STAG1: variants seen among roughly 807,000 people sequenced by gnomAD.
STAG1 encodes the protein STAG1 cohesin complex component.
Under a neutral mutation model 170.9 loss-of-function variants are expected in STAG1, and 26 were observed. The observed-to-expected ratio is 0.15, with a 90% CI of 0.11 to 0.21. The LOEUF is 0.21. Among genes scored for constraint, STAG1 ranks in the 10% least tolerant of loss-of-function variants. The probability of loss-of-function intolerance (pLI) is 1.00; values close to 1 mark genes in which losing one functional copy is unlikely to be tolerated. For missense variants in STAG1, 964 were observed against 1,509.5 expected, an observed-to-expected ratio of 0.64 and a Z score of 5.99; for synonymous variants, 514 against 497.7, an observed-to-expected ratio of 1.03 and a Z score of -0.44.
At chr3:136,659,101 T>C (rs1301453920) in intron 1 of STAG1, among the ~76,000 whole-genome samples, 1 of 152,208 alleles carries the variant, frequency 6.6e-6, no homozygotes, top group Non-Finnish European at 1.5e-5. Context: ...TCATTGTAAT[T>C]AACTCCTCTG....
chr3:136,716,362 C>T (rs1028654664), intron 1 of STAG1, among the ~76,000 whole-genome samples: 4 of 151,904 alleles, frequency 2.6e-5, no homozygotes, highest in Admixed American at 1.3e-4. Context: ...ACTCGGGAGG[C>T]TGAGACAGTA....
At chr3:136,506,292 G>A (rs998309680) in intron 7 of STAG1, among the ~76,000 whole-genome samples, 2 of 151,996 alleles carry the variant, frequency 1.3e-5, no homozygotes, top group South Asian at 2.1e-4. Context: ...TTAGATTAAC[G>A]TGGCAGCAAT....
At chr3:136,687,981 C>T (rs1292556074) in intron 1 of STAG1, among the ~76,000 whole-genome samples, 1 of 152,116 alleles carries the variant, frequency 6.6e-6, no homozygotes, top group Non-Finnish European at 1.5e-5. Flanking sequence ...ATGTGATCCA[C>T]CCGCCTCGAC....
chr3:136,448,888 G>C (rs1450103982), intron 14 of STAG1, among the ~76,000 whole-genome samples: 3 of 151,730 alleles, frequency 2.0e-5, no homozygotes, highest in African/African-American at 7.3e-5. Flanking sequence ...GCAGTGAGTG[G>C]AGATTGCACC....
intron 9 of STAG1, among the ~76,000 whole-genome samples, chr3:136,489,629 AAGATT>A (rs2090083009): frequency 6.6e-6 from 1 of 152,210 alleles, no homozygotes; most frequent in Non-Finnish European, 1.5e-5. Context: ...TTTTATCACT[AAGATT>A]AGGCTGCGAG....
At chr3:136,687,399 A>C (rs1942566528) in intron 1 of STAG1, among the ~76,000 whole-genome samples, 2 of 152,182 alleles carry the variant, frequency 1.3e-5, no homozygotes, top group African/African-American at 2.4e-5. Flanking sequence ...TTTTTTCTTG[A>C]ATTATATTAC....
At chr3:136,490,953 T>A (rs1439485792) in intron 9 of STAG1, among the ~76,000 whole-genome samples, 1 of 152,208 alleles carries the variant, frequency 6.6e-6, no homozygotes, top group Non-Finnish European at 1.5e-5. Context: ...TTTATAACTG[T>A]CTTCATCTTT....
intron 1 of STAG1, among the ~76,000 whole-genome samples, chr3:136,734,863 GACA>G (rs755572326): frequency 3.9e-5 from 6 of 152,118 alleles, no homozygotes; most frequent in Non-Finnish European, 7.3e-5. Context: ...TGCCATTCGT[GACA>G]ACATGGAAAA....
In STAG1 at chr3:136,702,105, GAGAGAGAGAGAGAGAGACAGAGAGAC is replaced by G. The variant is rs1284146941; in HGVS notation, c.-84+50064_-84+50089del. On this transcript the variant is annotated intron_variant, in intron 1 of 33. Coordinates refer to ENST00000383202, the MANE Select transcript of STAG1 (RefSeq NM_005862.3). ...AGAGAGAGAGAGAGAGAGAGAGAGAGAGAGAGAGAGAGAGAGACAGAGAGACAGAGAGACAGAGAGACAGAGAGACA... is the reference window on the plus strand; with the variant it reads ...AGAGAGAGAGAGAGAGAGAGAGAGAGAGAGAGACAGAGAGACAGAGAGACA... Among the ~76,000 whole-genome samples, 1,064 of 115,186 alleles carry G rather than the reference GAGAGAGAGAGAGAGAGACAGAGAGAC, an allele frequency of 9.2e-3. 6 individuals are homozygous for G. Among genetic ancestry groups the G allele is most frequent in the African/African-American group, 0.03 (640 of 21,532 alleles). The allele number at this position is 115,186 out of a possible 152,430, so 75.6% of individuals were successfully genotyped here.
chr3:136,506,054 C>T (rs887537727), intron 7 of STAG1, among the ~76,000 whole-genome samples: 2 of 152,174 alleles, frequency 1.3e-5, no homozygotes, highest in African/African-American at 4.8e-5. Flanking sequence ...CTCCTTAAGG[C>T]TCATGAATTA....
Position 136,465,140 on chromosome 3 carries a change from T to TA in STAG1, c.1206-153dup, listed in dbSNP as rs1448790107. 2.0e-5 allele frequency: 11 copies of TA among 543,414 alleles called. 1 individual carries two copies. Among genetic ancestry groups the TA allele is most frequent in the Non-Finnish European group, 3.1e-5 (10 of 320,756 alleles). 33.7% of individuals were successfully genotyped at this position (543,414 alleles called of 1,614,324 possible). On this transcript the variant is annotated intron_variant, in intron 12 of 33. Coordinates refer to ENST00000383202, the MANE Select transcript of STAG1 (RefSeq NM_005862.3). ...TACTTTGAAAGTAATGTTTCCCCTT[T>TA]AAGTATAAAAGACAATAATGTAAAA...
chr3:136,499,269 T>C (rs1020157745), intron 9 of STAG1, among the ~76,000 whole-genome samples: 1 of 152,166 alleles, frequency 6.6e-6, no homozygotes, highest in African/African-American at 2.4e-5. Context: ...CACTGCAGCC[T>C]TGACCCTCTG....
At chr3:136,367,167 G>T in intron 24 of STAG1, 85 bp from the exon 25 acceptor site, 1 of 1,116,484 alleles carries the variant, frequency 9.0e-7, no homozygotes, top group Non-Finnish European at 1.3e-6. Context: ...TTGAAAATTA[G>T]CTTAATATTA....
chr3:136,393,540 T>C (rs2087066735), intron 22 of STAG1, among the ~76,000 whole-genome samples: 1 of 150,678 alleles, frequency 6.6e-6, no homozygotes, highest in Non-Finnish European at 1.5e-5. Flanking sequence ...GCAAACAAAA[T>C]GTAAAACAAT....
chr3:136,449,782 T>G (rs2088884329), intron 14 of STAG1, among the ~76,000 whole-genome samples: 1 of 152,066 alleles, frequency 6.6e-6, no homozygotes, highest in Non-Finnish European at 1.5e-5. Flanking sequence ...CCTTGAGCTT[T>G]CAGAGATAAA....
intron 1 of STAG1, among the ~76,000 whole-genome samples, chr3:136,662,458 T>C (rs772962527): frequency 1.3e-5 from 2 of 152,024 alleles, no homozygotes; most frequent in Admixed American, 6.6e-5. Flanking sequence ...GGCCTTAGAC[T>C]CTTTGAGACA....
At chr3:136,607,642 A>G (rs1939030935) in intron 3 of STAG1, among the ~76,000 whole-genome samples, 1 of 152,170 alleles carries the variant, frequency 6.6e-6, no homozygotes, top group Admixed American at 6.5e-5. Context: ...ATCTCAAGTG[A>G]TCCACCCACC....
At chr3:136,742,542 G>A (rs1319479554) in intron 1 of STAG1, among the ~76,000 whole-genome samples, 1 of 151,720 alleles carries the variant, frequency 6.6e-6, no homozygotes, top group Non-Finnish European at 1.5e-5. Context: ...GCAAAACCCC[G>A]TCTCCACTAA....
chr3:136,574,258 G>C (rs1035716422), intron 4 of STAG1, among the ~76,000 whole-genome samples: 1 of 150,632 alleles, frequency 6.6e-6, no homozygotes, highest in Non-Finnish European at 1.5e-5. Flanking sequence ...AAAAAAACCC[G>C]ACCACATAAT....
Sources: gnomAD v4.1 joint callset for allele counts (sites outside exome capture counted in the v4.1 genomes callset) on GRCh38, gnomAD v4.1.1 for gene constraint, MANE v1.5 for transcripts, NCBI Gene and HGNC (gene_info 2026-07-23, HGNC 2026-07-21) for gene names.